Variants in PTPRQ observed in about 807,000 individuals in gnomAD.
PTPRQ encodes the protein phosphatidylinositol phosphatase PTPRQ.
PTPRQ carries 199 observed loss-of-function variants against 246.0 expected under a neutral mutation model. The observed-to-expected ratio is 0.81, with a 90% CI of 0.72 to 0.91. The LOEUF (loss-of-function observed/expected upper bound fraction) is 0.91. Ranked by LOEUF, PTPRQ falls within the 40% of genes least tolerant of loss-of-function variation. PTPRQ has a pLI of 0.00. For missense variants in PTPRQ, 2,624 were observed against 2,528.4 expected, an observed-to-expected ratio of 1.04 and a Z score of -0.81; for synonymous variants, 869 against 853.2, an observed-to-expected ratio of 1.02 and a Z score of -0.32.
intron 25 of PTPRQ, among the ~76,000 whole-genome samples, chr12:80,572,512 T>C (rs886520873): frequency 6.6e-6 from 1 of 152,186 alleles, no homozygotes; most frequent in African/African-American, 2.4e-5. Flanking sequence ...GTTTGTTTGT[T>C]TTGCCTTATA....
chr12:80,584,477 G>A (rs1897545564), intron 25 of PTPRQ, among the ~76,000 whole-genome samples: 1 of 152,120 alleles, frequency 6.6e-6, no homozygotes, highest in Admixed American at 6.5e-5. Flanking sequence ...TTACCAGACT[G>A]TAGTTGATAA....
Position 80,619,503 on chromosome 12 carries a change from C to A in PTPRQ, c.5350C>A (p.Pro1784Thr). ...PICYYSDDHG[P>T]IKNVQVLVTE... Reference sequence around the variant, plus strand: ...ATGTTACTACAGTGATGATCATGGACCAATAAAAAATGTACAAGTGCTTGT... The same window carrying A: ...ATGTTACTACAGTGATGATCATGGAACAATAAAAAATGTACAAGTGCTTGT... The change falls in exon 31 of 45, where the codon CCA becomes ACA. Residue 1784 changes from proline to threonine, a missense_variant. Pro to Thr is a conservative substitution (Grantham distance 38). Transcript: ENST00000644991. The A allele has an allele frequency of 6.5e-7, 1 of 1,540,656 alleles. No homozygotes were observed. The highest frequency in any genetic ancestry group is 2.5e-5 in the East Asian group (1 of 40,634).
chr12:80,605,181 G>A lies in PTPRQ; in HGVS notation c.4731+1G>A. The A allele has an allele frequency of 6.5e-7, 1 of 1,539,690 alleles. No homozygotes were observed. The highest frequency in any genetic ancestry group is 8.8e-7 in the Non-Finnish European group (1 of 1,140,696). On this transcript the variant is annotated splice_donor_variant, in intron 27 of 44. Coordinates refer to ENST00000644991, the MANE Select transcript of PTPRQ (RefSeq NM_001145026.2). LOFTEE classifies it high-confidence loss of function. The stretch of plus-strand genomic sequence containing the variant: ...ATGTTATCTGATTGATGTCAAATCG[G>A]TAAGGCATGTCTTACCTTCTGTAAA...
chr12:80,598,999 C>G (rs1483737148), intron 26 of PTPRQ, among the ~76,000 whole-genome samples: 1 of 151,870 alleles, frequency 6.6e-6, no homozygotes, highest in Non-Finnish European at 1.5e-5. Flanking sequence ...TAGTATCAGG[C>G]ACAACAAAAC....
chr12:80,615,434 G>A (rs984317496), intron 29 of PTPRQ, among the ~76,000 whole-genome samples: 1 of 150,954 alleles, frequency 6.6e-6, no homozygotes, highest in South Asian at 2.1e-4. Flanking sequence ...AATGAAATAA[G>A]CCAAGAATAT....
chr12:80,589,438 T>G (rs1235557144), intron 26 of PTPRQ, among the ~76,000 whole-genome samples: 1 of 152,178 alleles, frequency 6.6e-6, no homozygotes, highest in Non-Finnish European at 1.5e-5. Flanking sequence ...TTAAAGGGGA[T>G]TCCTTTCAAA....
At position 80,621,020 on chromosome 12, in the gene PTPRQ, A is replaced by G. The variant is rs1026631301; in HGVS notation, c.5612+644A>G. On this transcript the variant is annotated intron_variant, in intron 32 of 44. Transcript: ENST00000644991. ...TAAGACTACAATTTTTAAAAGAATCATCTTATCCTTGTGTGATTTTCAAAA... is the reference window on the plus strand; with the variant it reads ...TAAGACTACAATTTTTAAAAGAATCGTCTTATCCTTGTGTGATTTTCAAAA... 2.0e-5 allele frequency among the ~76,000 whole-genome samples: 3 copies of G among 152,020 alleles called. 1 individual carries two copies. Among genetic ancestry groups the G allele is most frequent in the Non-Finnish European group, 2.9e-5 (2 of 67,882 alleles).
chr12:80,605,273 T>G, intron 27 of PTPRQ, 93 bp downstream of exon 27: 1 of 1,433,422 alleles, frequency 7.0e-7, no homozygotes, highest in African/African-American at 1.5e-5. Context: ...ATTTTGGCTC[T>G]GTTAGACAGT....
At chr12:80,676,642 A>AAAC (rs892908870) in intron 43 of PTPRQ, among the ~76,000 whole-genome samples, 2 of 152,076 alleles carry the variant, frequency 1.3e-5, no homozygotes, top group African/African-American at 2.4e-5. Context: ...ACTCTGTTGC[A>AAAC]AACAACAACA....
chr12:80,514,933 A>G (rs1466479465), intron 17 of PTPRQ, among the ~76,000 whole-genome samples: 1 of 148,368 alleles, frequency 6.7e-6, no homozygotes, highest in Non-Finnish European at 1.5e-5. Flanking sequence ...TCTATAATAT[A>G]TATGTAATAT....
chr12:80,668,837 G>A (rs993961311), intron 39 of PTPRQ, among the ~76,000 whole-genome samples, 170 bp from the exon 40 acceptor site: 1 of 151,190 alleles, frequency 6.6e-6, no homozygotes, highest in African/African-American at 2.4e-5. Flanking sequence ...CAGATTGTGA[G>A]GATAAATTTA....
At chr12:80,617,673 C>CTA (rs1565821684) in intron 30 of PTPRQ, among the ~76,000 whole-genome samples, 1 of 151,376 alleles carries the variant, frequency 6.6e-6, no homozygotes, top group African/African-American at 2.4e-5. Flanking sequence ...GGCAGACTTA[C>CTA]GACTTCTAGT....
chr12:80,514,586 T>C (rs1895229824), intron 17 of PTPRQ, among the ~76,000 whole-genome samples: 1 of 138,054 alleles, frequency 7.2e-6, no homozygotes, highest in South Asian at 2.2e-4. Flanking sequence ...ATATATATTA[T>C]ATAATATATA....
intron 9 of PTPRQ, among the ~76,000 whole-genome samples, chr12:80,488,959 A>T (rs1837760588): frequency 6.6e-6 from 1 of 152,072 alleles, no homozygotes; most frequent in South Asian, 2.1e-4. Flanking sequence ...GATCTATAAC[A>T]TTCCTAATAA....
chr12:80,605,011 A>C lies in PTPRQ; in HGVS notation c.4610-48A>C, dbSNP rs781333918. ...GTCTTTTCTATTATTGTGCTGTAGC[A>C]AGTACTAATTCTAATGTAGCTAGAT... On this transcript the variant is annotated intron_variant, in intron 26 of 44. Transcript: ENST00000644991. 20 of 1,487,880 alleles carry C rather than the reference A, an allele frequency of 1.3e-5. 1 individual carries two copies. The South Asian group carries it at 2.8e-4, about 21-fold the overall frequency. The allele number at this position is 1,487,880 out of a possible 1,614,324, so 92.2% of individuals were successfully genotyped here.
At chr12:80,625,399 C>T (rs1350474753) in intron 33 of PTPRQ, among the ~76,000 whole-genome samples, 1 of 152,126 alleles carries the variant, frequency 6.6e-6, no homozygotes, top group Non-Finnish European at 1.5e-5. Context: ...AGCATTCATT[C>T]ACTGGTATTT....
intron 2 of PTPRQ, 84 bp from the exon 3 acceptor site, chr12:80,445,407 C>G (rs1892520639): frequency 1.2e-6 from 1 of 867,280 alleles, no homozygotes; most frequent in Non-Finnish European, 1.7e-6. Context: ...TCAAATTTTA[C>G]ATTTATAAAT....
At chr12:80,652,892 T>G in intron 38 of PTPRQ, 58 bp downstream of exon 38, 1 of 1,404,948 alleles carries the variant, frequency 7.1e-7, no homozygotes, top group Non-Finnish European at 9.3e-7. Context: ...GCCTACCATC[T>G]TAACTTTTTT....
chr12:80,452,373 C>T (rs61950902), intron 3 of PTPRQ, among the ~76,000 whole-genome samples: 8 of 151,912 alleles, frequency 5.3e-5, no homozygotes, highest in South Asian at 2.1e-4. Context: ...CATTTAAAGT[C>T]AATATTGTTA....
Sources: allele counts gnomAD v4.1 joint callset (sites outside exome capture counted in the v4.1 genomes callset), GRCh38; gene constraint gnomAD v4.1.1; transcripts MANE v1.5; gene names NCBI Gene and HGNC (gene_info 2026-07-23, HGNC 2026-07-21).